Variants in CLASP2 observed in about 807,000 individuals in gnomAD.
CLASP2 encodes cytoplasmic linker associated protein 2.
In CLASP2, 47 loss-of-function variants were observed where a neutral mutation model predicts 194.4. The observed-to-expected ratio is 0.24, with a 90% CI of 0.19 to 0.31. The LOEUF is 0.31. Ranked by LOEUF, CLASP2 falls within the 10% of genes least tolerant of loss-of-function variation. The pLI is 1.00. For synonymous variants in CLASP2, 619 were observed against 633.5 expected, an observed-to-expected ratio of 0.98 and a Z score of 0.34; for missense variants, 1,445 against 1,823.6, an observed-to-expected ratio of 0.79 and a Z score of 3.78.
chr3:33,547,554 G>A (rs910395558), intron 30 of CLASP2, among the ~76,000 whole-genome samples: 2 of 152,126 alleles, frequency 1.3e-5, no homozygotes, highest in Admixed American at 6.6e-5. Flanking sequence ...TGAAGATTAA[G>A]GCATTCATAT....
chr3:33,673,607 G>A (rs1164396208), intron 6 of CLASP2, among the ~76,000 whole-genome samples: 12 of 152,114 alleles, frequency 7.9e-5, no homozygotes, highest in African/African-American at 2.9e-4. Flanking sequence ...AACTTTAAAT[G>A]TAAATGGACT....
chr3:33,672,423 T>G (rs1282806931), intron 6 of CLASP2, among the ~76,000 whole-genome samples: 1 of 152,086 alleles, frequency 6.6e-6, no homozygotes, highest in African/African-American at 2.4e-5. Flanking sequence ...AGAAAGGACA[T>G]CCACACCAAA....
At chr3:33,663,390 G>A in intron 7 of CLASP2, 55 bp downstream of exon 7, 1 of 1,346,802 alleles carries the variant, frequency 7.4e-7, no homozygotes, top group Non-Finnish European at 1.1e-6. Context: ...ACATTTTAGT[G>A]CCTAAAACTT....
At chr3:33,639,379 C>T (rs552712501) in intron 8 of CLASP2, among the ~76,000 whole-genome samples, 7 of 152,188 alleles carry the variant, frequency 4.6e-5, no homozygotes, top group Middle Eastern at 3.4e-3. Context: ...TGTTGATTAA[C>T]GTGGAGCCTT....
chr3:33,649,851 C>T (rs2154317743), intron 7 of CLASP2, among the ~76,000 whole-genome samples: 1 of 152,350 alleles, frequency 6.6e-6, no homozygotes, highest in African/African-American at 2.4e-5. Flanking sequence ...AGGTCAACTG[C>T]TTGGGTGGTC....
chr3:33,672,280 G>A (rs62252760), intron 6 of CLASP2, among the ~76,000 whole-genome samples: 15,605 of 152,158 alleles, frequency 0.1, 1,089 homozygotes, highest in Non-Finnish European at 0.15. Flanking sequence ...CAGCATTCGC[G>A]GTTCACGAAA....
At chr3:33,540,232 A>ATT (rs11398038) in intron 32 of CLASP2, among the ~76,000 whole-genome samples, 2,843 of 122,084 alleles carry the variant, frequency 0.023, 77 homozygotes, top group African/African-American at 0.062. Context: ...GACTGGCCAA[A>ATT]TTTTTTTTTT....
chr3:33,520,285 C>T lies in CLASP2; in HGVS notation c.3788-3111G>A, dbSNP rs547119033. ...CCTCCCAAAGTGTTGGGATTACAGG[C>T]GTGAGGCACTGCAGCTGGCTGATAT... is the stretch of plus-strand genomic sequence containing the variant. On this transcript the variant is annotated intron_variant, in intron 34 of 38. Transcript: ENST00000682230. Among the ~76,000 whole-genome samples, 9 of 152,290 alleles carry T rather than the reference C, an allele frequency of 5.9e-5. No individual in the cohort carries two copies. The East Asian group carries it at 7.7e-4, about 13-fold the overall frequency.
intron 2 of CLASP2, among the ~76,000 whole-genome samples, chr3:33,691,847 A>C (rs2091389801): frequency 6.6e-6 from 1 of 152,238 alleles, no homozygotes; most frequent in Admixed American, 6.5e-5. Flanking sequence ...AAGGTCATGC[A>C]AACAACAAGT....
Position 33,714,750 on chromosome 3 carries a change from A to T in CLASP2, c.195+3058T>A, listed in dbSNP as rs573058096. 1.7e-4 allele frequency among the ~76,000 whole-genome samples: 25 copies of T among 151,196 alleles called. No homozygotes were observed. In the East Asian group the frequency reaches 4.5e-3, roughly 27 times the overall value. ...ACACATAAAACCCCCCACTGTATTT[A>T]TTTTTTTTTAGACAGGAATTTGTTA... On this transcript the variant is annotated intron_variant, in intron 1 of 38. Coordinates refer to ENST00000682230, the MANE Select transcript of CLASP2 (RefSeq NM_001365631.1).
intron 2 of CLASP2, among the ~76,000 whole-genome samples, chr3:33,691,267 AG>A (rs1445760918): frequency 6.6e-6 from 1 of 152,200 alleles, no homozygotes; most frequent in Non-Finnish European, 1.5e-5. Context: ...AGTTTAAACA[AG>A]GGAAGGAGAA....
At chr3:33,562,783 T>C (rs1221558267) in intron 27 of CLASP2, among the ~76,000 whole-genome samples, 4 of 152,154 alleles carry the variant, frequency 2.6e-5, no homozygotes, top group African/African-American at 9.7e-5. Flanking sequence ...CAACCTCCTA[T>C]TTTATGGATG....
At chr3:33,577,356 A>G in intron 23 of CLASP2, 1 of 993,892 alleles carries the variant, frequency 1.0e-6, no homozygotes, top group Non-Finnish European at 1.5e-6. Flanking sequence ...GTTAGTTAAC[A>G]CTGGTGTTAT....
chr3:33,550,593 G>A (rs1304673487), intron 30 of CLASP2, among the ~76,000 whole-genome samples: 2 of 151,348 alleles, frequency 1.3e-5, no homozygotes, highest in Admixed American at 1.3e-4. Context: ...TTGAGCATAT[G>A]AAAAATAATA....
Position 33,510,624 on chromosome 3 carries a change from C to G in CLASP2, c.4251G>C (p.Val1417=). The G allele has an allele frequency of 6.2e-7, 1 of 1,613,864 alleles. No homozygotes were observed. The highest frequency in any genetic ancestry group is 8.5e-7 in the Non-Finnish European group (1 of 1,179,880). The part of the protein sequence containing the change: ...NLAAIKMQTK[V]IERVSKETLN... ...GGGTTTCCTTGGACACTCTCTCTATCACTTTTGTTTGCATTTTGATTGCAG... is the reference window on the plus strand; with the variant it reads ...GGGTTTCCTTGGACACTCTCTCTATGACTTTTGTTTGCATTTTGATTGCAG... The change falls in exon 37 of 39, where the codon GTG becomes GTC. Residue 1417 remains valine (V), a synonymous_variant. Coordinates refer to ENST00000682230, the MANE Select transcript of CLASP2 (RefSeq NM_001365631.1).
intron 21 of CLASP2, among the ~76,000 whole-genome samples, chr3:33,590,614 T>G (rs2068543977): frequency 6.6e-6 from 1 of 152,190 alleles, no homozygotes; most frequent in South Asian, 2.1e-4. Context: ...CATTCATAAA[T>G]AACCCTCAAG....
chr3:33,690,043 G>A (rs2154347837), intron 2 of CLASP2, 111 bp from the exon 3 acceptor site: 2 of 630,322 alleles, frequency 3.2e-6, no homozygotes, highest in Non-Finnish European at 4.9e-6. Context: ...AGAGTTGTGA[G>A]GTAAAGAAAT....
In CLASP2 at chr3:33,591,478, G is replaced by A. The variant is rs557051352; in HGVS notation, c.2068+917C>T. ...CAAACAAAAAATTAGCCAGGCAGTG[G>A]CGCAAGCCTGTGGCACCAGCCACTC... On this transcript the variant is annotated intron_variant, in intron 21 of 38. Coordinates refer to ENST00000682230, the MANE Select transcript of CLASP2 (RefSeq NM_001365631.1). Among the ~76,000 whole-genome samples the A allele has an allele frequency of 2.0e-4, 31 of 152,166 alleles. 1 individual carries two copies. Among genetic ancestry groups the A allele is most frequent in the African/African-American group, 7.0e-4 (29 of 41,526 alleles).
chr3:33,617,352 G>A (rs1396072634), intron 12 of CLASP2, among the ~76,000 whole-genome samples: 1 of 151,926 alleles, frequency 6.6e-6, no homozygotes, highest in African/African-American at 2.4e-5. Flanking sequence ...TCAAAAAAAG[G>A]CTACATTGTA....
Sources: allele counts gnomAD v4.1 joint callset (sites outside exome capture counted in the v4.1 genomes callset), GRCh38; gene constraint gnomAD v4.1.1; transcripts MANE v1.5; gene names NCBI Gene and HGNC (gene_info 2026-07-23, HGNC 2026-07-21).